CLYBL: variants seen among roughly 807,000 people sequenced by gnomAD.
The protein encoded by CLYBL is citramalyl-CoA lyase, mitochondrial.
A neutral mutation model predicts 38.9 loss-of-function variants in CLYBL; 31 were observed. That is an observed-to-expected ratio of 0.80 (90% CI 0.60 to 1.08). The LOEUF is 1.08. Among genes scored for constraint, CLYBL ranks in the 50% least tolerant of loss-of-function variants. CLYBL has a pLI of 0.00. For synonymous variants in CLYBL, 171 were observed against 158.6 expected (o/e 1.08, Z -0.59); for missense variants, 434 against 411.6 (o/e 1.05, Z -0.47).
At chr13:99,659,949 TTAAAAAACTTAATAA>T (rs1260001375) in intron 1 of CLYBL, among the ~76,000 whole-genome samples, 1 of 152,118 alleles carries the variant, frequency 6.6e-6, no homozygotes, top group African/African-American at 2.4e-5. Context: ...TCACCTGGAT[TTAAAAAACTTAATAA>T]TAAGGCCACA....
chr13:99,820,992 A>G (rs1444378543), intron 2 of CLYBL, among the ~76,000 whole-genome samples: 1 of 152,252 alleles, frequency 6.6e-6, no homozygotes, highest in Non-Finnish European at 1.5e-5. Flanking sequence ...ATAGTGTACA[A>G]AATGCAATGA....
At chr13:99,902,450 T>G (rs939814192) in intron 8 of CLYBL, among the ~76,000 whole-genome samples, 1 of 152,252 alleles carries the variant, frequency 6.6e-6, no homozygotes, top group Non-Finnish European at 1.5e-5. Flanking sequence ...TGAATTTGCA[T>G]GCACACTGCC....
chr13:99,700,029 A>G lies in CLYBL; in HGVS notation c.63-72795A>G, dbSNP rs1452655009. Among the ~76,000 whole-genome samples, 3 of 152,252 alleles carry G rather than the reference A, an allele frequency of 2.0e-5. No individual in the cohort carries two copies. The East Asian group carries it at 5.8e-4, about 29-fold the overall frequency. ...AAAATAAAATGAAAATAATAAATAAATAAATAAACCTAATGTTACTGCACT... is the reference window on the plus strand; with the variant it reads ...AAAATAAAATGAAAATAATAAATAAGTAAATAAACCTAATGTTACTGCACT... On this transcript the variant is annotated intron_variant, in intron 1 of 8. Transcript: ENST00000339105.
In CLYBL at chr13:99,882,533, G is replaced by A. The variant is rs111425419; in HGVS notation, c.928-8785G>A. The stretch of plus-strand genomic sequence containing the variant: ...TAGCCAGGCTTGGTGGGGCATGCCT[G>A]TAGTCCCAGCTAGTCAGCTAGTGGG... On this transcript the variant is annotated intron_variant, in intron 7 of 8. Transcript: ENST00000339105. Among the ~76,000 whole-genome samples the A allele has an allele frequency of 7.8e-4, 119 of 152,142 alleles. 1 individual carries two copies. The highest frequency in any genetic ancestry group is 2.3e-3 in the African/African-American group (95 of 41,528).
intron 1 of CLYBL, among the ~76,000 whole-genome samples, chr13:99,639,727 T>C (rs546717588): frequency 1.3e-5 from 2 of 152,194 alleles, no homozygotes; most frequent in South Asian, 2.1e-4. Flanking sequence ...ACCATATCTA[T>C]ACAAAAGAAA....
intron 1 of CLYBL, among the ~76,000 whole-genome samples, chr13:99,765,375 A>G (rs1413722672): frequency 6.6e-6 from 1 of 151,906 alleles, no homozygotes; most frequent in Non-Finnish European, 1.5e-5. Context: ...TCTGATTATT[A>G]TATGTCTTGA....
intron 1 of CLYBL, among the ~76,000 whole-genome samples, chr13:99,613,787 A>T (rs528679495): frequency 6.6e-6 from 1 of 152,254 alleles, no homozygotes; most frequent in Non-Finnish European, 1.5e-5. Flanking sequence ...TAAAAGGCCA[A>T]TGTGAAGTGT....
intron 2 of CLYBL, among the ~76,000 whole-genome samples, chr13:99,807,090 T>C (rs2050246506): frequency 6.6e-6 from 1 of 152,192 alleles, no homozygotes; most frequent in Admixed American, 6.5e-5. Flanking sequence ...CGCAATGGTA[T>C]TCAAGGAGGA....
intron 1 of CLYBL, among the ~76,000 whole-genome samples, chr13:99,716,258 G>A (rs948546537): frequency 6.4e-5 from 8 of 125,956 alleles, no homozygotes; most frequent in African/African-American, 2.4e-4. Context: ...TGATTCTCCT[G>A]CCTCAGCCTC....
intron 2 of CLYBL, among the ~76,000 whole-genome samples, chr13:99,790,975 AT>A (rs745870772): frequency 7.2e-5 from 11 of 151,770 alleles, no homozygotes; most frequent in Admixed American, 3.9e-4. Flanking sequence ...ACATAATCTC[AT>A]TTTTTTTCTA....
intron 1 of CLYBL, among the ~76,000 whole-genome samples, chr13:99,676,837 T>C (rs2047660236): frequency 6.6e-6 from 1 of 151,938 alleles, no homozygotes; most frequent in African/African-American, 2.4e-5. Context: ...ACTCTCGACC[T>C]CAGGTGATCT....
At chr13:99,835,529 A>C (rs2050915449) in intron 2 of CLYBL, among the ~76,000 whole-genome samples, 1 of 152,218 alleles carries the variant, frequency 6.6e-6, no homozygotes, top group Non-Finnish European at 1.5e-5. Flanking sequence ...TGCTAGCTGC[A>C]AGTGGGTCTG....
chr13:99,695,260 C>A (rs956804739), intron 1 of CLYBL, among the ~76,000 whole-genome samples: 1 of 152,118 alleles, frequency 6.6e-6, no homozygotes, highest in Non-Finnish European at 1.5e-5. Context: ...GAAAAGATTT[C>A]TCCATACCCC....
At chr13:99,902,147 C>G (rs981012694) in intron 8 of CLYBL, among the ~76,000 whole-genome samples, 1 of 152,158 alleles carries the variant, frequency 6.6e-6, no homozygotes, top group African/African-American at 2.4e-5. Context: ...ACAGTATAAA[C>G]TCATAAAATG....
chr13:99,676,648 C>T (rs2047657176), intron 1 of CLYBL, among the ~76,000 whole-genome samples: 1 of 150,710 alleles, frequency 6.6e-6, no homozygotes, highest in Admixed American at 6.6e-5. Context: ...GGCTGGAGTG[C>T]AATGGCACAA....
chr13:99,807,838 G>T (rs2050262398), intron 2 of CLYBL, among the ~76,000 whole-genome samples: 1 of 152,006 alleles, frequency 6.6e-6, no homozygotes, highest in African/African-American at 2.4e-5. Context: ...AAAGGAAAAA[G>T]AAAAATAACT....
intron 7 of CLYBL, among the ~76,000 whole-genome samples, chr13:99,880,786 C>T (rs971998697): frequency 3.3e-5 from 5 of 152,256 alleles, no homozygotes; most frequent in African/African-American, 1.2e-4. Context: ...TTCCGTGCCC[C>T]TCATGGCCCT....
At chr13:99,704,417 A>G (rs2048115715) in intron 1 of CLYBL, among the ~76,000 whole-genome samples, 1 of 152,228 alleles carries the variant, frequency 6.6e-6, no homozygotes. Context: ...GTTCTGCATT[A>G]TAAAATAGCC....
At chr13:99,667,718 G>A (rs1221828729) in intron 1 of CLYBL, among the ~76,000 whole-genome samples, 1 of 152,060 alleles carries the variant, frequency 6.6e-6, no homozygotes, top group Admixed American at 6.5e-5. Flanking sequence ...TTTTGACTCA[G>A]ATATTTCTAG....
Sources: gnomAD v4.1 joint callset for allele counts (sites outside exome capture counted in the v4.1 genomes callset) on GRCh38, gnomAD v4.1.1 for gene constraint, MANE v1.5 for transcripts, NCBI Gene and HGNC (gene_info 2026-07-23, HGNC 2026-07-21) for gene names.